USP49: variants seen among roughly 807,000 people sequenced by gnomAD.
USP49 encodes the protein ubiquitin carboxyl-terminal hydrolase 49.
Under a neutral mutation model 58.6 loss-of-function variants are expected in USP49, and 24 were observed. The ratio of observed to expected loss-of-function variants is 0.41; its 90% CI spans 0.30 to 0.58. The LOEUF (loss-of-function observed/expected upper bound fraction) is 0.58, where lower values mean the gene tolerates loss of function less well. Ranked by LOEUF, USP49 falls within the 20% of genes least tolerant of loss-of-function variation. The pLI is 0.30. For synonymous variants in USP49, 408 were observed against 365.1 expected, an observed-to-expected ratio of 1.12 and a Z score of -1.34; for missense variants, 703 against 866.1, an observed-to-expected ratio of 0.81 and a Z score of 2.36.
intron 3 of USP49, among the ~76,000 whole-genome samples, chr6:41,816,895 G>A (rs1211579516): frequency 6.6e-6 from 1 of 151,396 alleles, no homozygotes; most frequent in African/African-American, 2.4e-5. Context: ...TGGTGGAGAT[G>A]GGGTTTTGCC....
intron 3 of USP49, among the ~76,000 whole-genome samples, chr6:41,823,836 G>T (rs1451488404): frequency 1.3e-5 from 2 of 152,092 alleles, no homozygotes; most frequent in Non-Finnish European, 2.9e-5. Flanking sequence ...GTGGTGGGGG[G>T]GTCGGGAGAG....
chr6:41,839,324 T>C (rs1439093711), intron 3 of USP49, among the ~76,000 whole-genome samples: 1 of 143,244 alleles, frequency 7.0e-6, no homozygotes, highest in East Asian at 2.1e-4. Flanking sequence ...GAAGATAGCT[T>C]GAGCCCAGGA....
chr6:41,840,322 C>A (rs185070524), intron 3 of USP49, among the ~76,000 whole-genome samples: 1 of 147,328 alleles, frequency 6.8e-6, no homozygotes, highest in African/African-American at 2.5e-5. Context: ...TGCAGTGAGC[C>A]GAGATTACAC....
At chr6:41,874,603 G>GC (rs1418229211) in intron 2 of USP49, among the ~76,000 whole-genome samples, 1 of 152,156 alleles carries the variant, frequency 6.6e-6, no homozygotes, top group African/African-American at 2.4e-5. Context: ...GGAAACTGTG[G>GC]CACACCTAAG....
At chr6:41,842,214 A>G (rs1773839553) in intron 3 of USP49, among the ~76,000 whole-genome samples, 1 of 151,992 alleles carries the variant, frequency 6.6e-6, no homozygotes, top group Non-Finnish European at 1.5e-5. Flanking sequence ...TAGGATAAGA[A>G]GACACATACT....
intron 3 of USP49, among the ~76,000 whole-genome samples, chr6:41,833,657 C>G (rs1773674885): frequency 6.6e-6 from 1 of 152,088 alleles, no homozygotes; most frequent in Admixed American, 6.6e-5. Flanking sequence ...CTCAGTAGTT[C>G]TTATTGGTAT....
chr6:41,803,730 G>A lies in USP49; in HGVS notation c.1561+76C>T. The A allele has an allele frequency of 1.4e-6, 2 of 1,477,424 alleles. No homozygotes were observed. Among genetic ancestry groups the A allele is most frequent in the Non-Finnish European group, 1.9e-6 (2 of 1,065,894 alleles). 91.5% of individuals were successfully genotyped at this position (1,477,424 alleles called of 1,614,324 possible). A position where few individuals can be genotyped will look rare whatever the true frequency, so the allele number is the denominator to read the frequency against. On this transcript the variant is annotated intron_variant, in intron 5 of 7. Coordinates refer to ENST00000682992, the MANE Select transcript of USP49 (RefSeq NM_001286554.2). This position sits in a 1 kb window ranked among gnomAD's most constrained non-coding sequence, Gnocchi z 4.1. Reference sequence around the variant, plus strand: ...ATCATTAGTGTTACTTTTGACTAAAGAGGACAAAGCAGCACCTTAAACTGA... The same window carrying A: ...ATCATTAGTGTTACTTTTGACTAAAAAGGACAAAGCAGCACCTTAAACTGA...
At chr6:41,802,419 TTTA>T (rs1219606091) in intron 5 of USP49, among the ~76,000 whole-genome samples, 32 of 115,706 alleles carry the variant, frequency 2.8e-4, no homozygotes, top group Admixed American at 6.5e-4. Flanking sequence ...TTTATTTTAT[TTTA>T]TTTTATTTTA....
chr6:41,841,527 C>G (rs1773827294), intron 3 of USP49, among the ~76,000 whole-genome samples: 1 of 152,104 alleles, frequency 6.6e-6, no homozygotes, highest in Admixed American at 6.6e-5. Context: ...CTAAAAATCC[C>G]TAATATCTAA....
intron 3 of USP49, among the ~76,000 whole-genome samples, chr6:41,870,727 T>TA (rs1561923789): frequency 2.0e-5 from 3 of 147,464 alleles, no homozygotes; most frequent in Admixed American, 1.4e-4. Context: ...GGTCTTGCTA[T>TA]ATTGCCCAGG....
intron 2 of USP49, among the ~76,000 whole-genome samples, chr6:41,873,242 C>T (rs1774446396): frequency 6.6e-6 from 1 of 151,840 alleles, no homozygotes; most frequent in Non-Finnish European, 1.5e-5. Context: ...AAGTTGTTTG[C>T]ATTAATGCAA....
At chr6:41,831,021 C>CAG (rs1773623785) in intron 3 of USP49, among the ~76,000 whole-genome samples, 1 of 152,014 alleles carries the variant, frequency 6.6e-6, no homozygotes, top group Admixed American at 6.6e-5. Context: ...CTTTGGGAGG[C>CAG]AGAGGTGGGC....
intron 2 of USP49, among the ~76,000 whole-genome samples, chr6:41,886,208 G>C (rs1774708249): frequency 6.6e-6 from 1 of 152,110 alleles, no homozygotes; most frequent in African/African-American, 2.4e-5. Flanking sequence ...GGTTGTATTA[G>C]AACATAAAAA....
At chr6:41,888,048 C>CTTTTTTTTTTTTTTTTTTTTTT (rs35468035) in intron 2 of USP49, among the ~76,000 whole-genome samples, 2 of 85,478 alleles carry the variant, frequency 2.3e-5, no homozygotes, top group Non-Finnish European at 4.4e-5. Flanking sequence ...TCACAATCAG[C>CTTTTTTTTTTTTTTTTTTTTTT]TTTTTTTTTT....
rs543238887 is a variant in USP49 at position 41,888,610 on chromosome 6, C to T, written c.-103+3184G>A. Among the ~76,000 whole-genome samples the T allele has an allele frequency of 6.6e-5, 10 of 152,086 alleles. No individual in the cohort carries two copies. The South Asian group carries it at 2.1e-3, about 32-fold the overall frequency. On this transcript the variant is annotated intron_variant, in intron 2 of 7. Transcript: ENST00000682992. ...CTGGGATTACAGGCATGCGCCACCA[C>T]ACCTGTCTAATTTTGTATTTTTAGT...
intron 3 of USP49, among the ~76,000 whole-genome samples, chr6:41,826,873 C>A (rs1281243840): frequency 6.6e-6 from 1 of 152,144 alleles, no homozygotes; most frequent in Non-Finnish European, 1.5e-5. Context: ...AGGCGAGCAT[C>A]CTCTGACCAA....
intron 6 of USP49, 42 bp downstream of exon 6, chr6:41,799,788 C>A: frequency 6.4e-7 from 1 of 1,565,688 alleles, no homozygotes; most frequent in Non-Finnish European, 8.8e-7. Context: ...AGCAGCTATT[C>A]CCACAGCTCT....
intron 3 of USP49, among the ~76,000 whole-genome samples, chr6:41,865,114 G>A (rs1330146801): frequency 6.6e-6 from 1 of 151,484 alleles, no homozygotes; most frequent in Non-Finnish European, 1.5e-5. Context: ...GTGCAATCTC[G>A]GCTTGTTGCA....
rs989991269 is a variant in USP49 at position 41,803,389 on chromosome 6, C to T, written c.1561+417G>A. ...CGCAATCTTGGCTCACTGCACCCTC[C>T]GCTTCCTGGGTTCAACCGATTCTCC... On this transcript the variant is annotated intron_variant, in intron 5 of 7. Transcript: ENST00000682992. The surrounding 1 kb of genome is among the most constrained non-coding windows in gnomAD (Gnocchi z 4.1). Among the ~76,000 whole-genome samples, 3 of 152,184 alleles carry T rather than the reference C, an allele frequency of 2.0e-5. No homozygotes were observed. The highest frequency in any genetic ancestry group is 2.1e-4 in the South Asian group (1 of 4,828).
Sources: allele counts gnomAD v4.1 joint callset (sites outside exome capture counted in the v4.1 genomes callset), GRCh38; gene constraint gnomAD v4.1.1; non-coding constraint Gnocchi (gnomAD v3.1); transcripts MANE v1.5; gene names NCBI Gene and HGNC (gene_info 2026-07-23, HGNC 2026-07-21).